Variants in DNAH11 observed in about 807,000 individuals in gnomAD.
DNAH11 encodes the protein axonemal beta dynein heavy chain 11.
In DNAH11, 442 loss-of-function variants were observed where a neutral mutation model predicts 526.0. The ratio of observed to expected loss-of-function variants is 0.84; its 90% CI spans 0.78 to 0.91. The LOEUF (loss-of-function observed/expected upper bound fraction) is 0.91, where lower values mean the gene tolerates loss of function less well. Ranked by LOEUF, DNAH11 falls within the 40% of genes least tolerant of loss-of-function variation. The pLI is 0.00. For synonymous variants in DNAH11, 2,461 were observed against 1,935.9 expected (o/e 1.27, Z -7.12); for missense variants, 6,989 against 5,448.7 (o/e 1.28, Z -8.90).
intron 56 of DNAH11, among the ~76,000 whole-genome samples, chr7:21,777,003 CACTA>C (rs1787700114): frequency 6.6e-6 from 1 of 151,906 alleles, no homozygotes; most frequent in Admixed American, 6.6e-5. Flanking sequence ...TCTGGGTACT[CACTA>C]ACACAGTCAA....
rs117400335 is a variant in DNAH11 at position 21,810,434 on chromosome 7, A to G, written c.10332+2385A>G. 3.9e-3 allele frequency among the ~76,000 whole-genome samples: 593 copies of G among 152,308 alleles called. 5 individuals carry two copies. Among genetic ancestry groups the G allele is most frequent in the Middle Eastern group, 6.8e-3 (2 of 294 alleles). On this transcript the variant is annotated intron_variant, in intron 63 of 81. Transcript: ENST00000409508. ...GACATGGGCACAGATATTATTAGAA[A>G]ATTGAAGCACTCACACCTGCTGGTC...
intron 73 of DNAH11, among the ~76,000 whole-genome samples, chr7:21,871,710 C>T (rs1412995457): frequency 7.9e-5 from 12 of 152,118 alleles, no homozygotes; most frequent in Non-Finnish European, 1.8e-4. Context: ...AGAGTCCTTA[C>T]CTACTGTATT....
rs777191347 is a variant in DNAH11 at position 21,639,036 on chromosome 7, A to C, written c.4915A>C (p.Ile1639Leu). 6.2e-6 allele frequency: 10 copies of C among 1,613,542 alleles called. No individual in the cohort carries two copies. Among genetic ancestry groups the C allele is most frequent in the Non-Finnish European group, 8.5e-6 (10 of 1,179,666 alleles). Residue 1639 changes from isoleucine to leucine, a missense_variant, in exon 28 of 82, where the codon ATT (isoleucine) becomes CTT (leucine). Physicochemically the swap from Ile to Leu is conservative, Grantham distance 5. Transcript: ENST00000409508. The part of the protein sequence containing the change: ...YFVSSADLLD[I>L]LSKGAQPKQV... ...CGTCTCTTCTGCTGATTTACTTGAC[A>C]TTCTCTCAAAAGGAGCTCAGCCTAA...
At chr7:21,608,162 G>T (rs1785379754) in intron 20 of DNAH11, among the ~76,000 whole-genome samples, 1 of 151,724 alleles carries the variant, frequency 6.6e-6, no homozygotes, top group African/African-American at 2.4e-5. Flanking sequence ...TGGACATGAA[G>T]ATTGTTGAGT....
intron 61 of DNAH11, among the ~76,000 whole-genome samples, chr7:21,794,995 G>C (rs112741037): frequency 6.6e-6 from 1 of 152,056 alleles, no homozygotes; most frequent in Non-Finnish European, 1.5e-5. Flanking sequence ...CCTCTCTGTG[G>C]CTCTGGGTAG....
In DNAH11 at chr7:21,599,879, T is replaced by C; in HGVS notation, c.2760T>C (p.Phe920=). The change falls in exon 15 of 82, where the codon TTT becomes TTC. Residue 920 remains phenylalanine (F), a synonymous_variant. Transcript: ENST00000409508. ...ACGACATTGTGGTGGAAGGCTTTTT[T>C]CAGGCTATAATGCACGACTTAGACT... ...FIDDIVVEGF[F]QAIMHDLDFF... 1 of 1,611,518 alleles carries C rather than the reference T, an allele frequency of 6.2e-7. No individual in the cohort carries two copies. Among genetic ancestry groups the C allele is most frequent in the Non-Finnish European group, 8.5e-7 (1 of 1,178,302 alleles).
Position 21,816,714 on chromosome 7 carries a change from T to C in DNAH11, c.10568+12T>C. ...TTGGGCCAGAAAGGGTATGTGAAGT[T>C]TGAAGAGACTGGCTTTCTGTTTACC... On this transcript the variant is annotated intron_variant, in intron 64 of 81. Transcript: ENST00000409508. 6.2e-7 allele frequency: 1 copy of C among 1,609,180 alleles called. No individual in the cohort carries two copies. The highest frequency in any genetic ancestry group is 1.3e-5 in the African/African-American group (1 of 74,952).
intron 54 of DNAH11, among the ~76,000 whole-genome samples, chr7:21,752,453 A>C (rs1157570694): frequency 6.6e-6 from 1 of 152,190 alleles, no homozygotes; most frequent in African/African-American, 2.4e-5. Context: ...ATTGGATTGT[A>C]CATATTTTTG....
chr7:21,821,473 G>A (rs1037355669), intron 65 of DNAH11, among the ~76,000 whole-genome samples: 2 of 152,186 alleles, frequency 1.3e-5, no homozygotes, highest in Admixed American at 6.5e-5. Context: ...AGAAAAATGG[G>A]GACCCAGAGA....
At chr7:21,766,192 C>T (rs1787178589) in intron 55 of DNAH11, among the ~76,000 whole-genome samples, 1 of 152,156 alleles carries the variant, frequency 6.6e-6, no homozygotes, top group African/African-American at 2.4e-5. Context: ...TTTAAAATCC[C>T]ATGGCATTTT....
chr7:21,782,068 G>A (rs1787968663), intron 57 of DNAH11, among the ~76,000 whole-genome samples: 1 of 152,122 alleles, frequency 6.6e-6, no homozygotes, highest in South Asian at 2.1e-4. Flanking sequence ...TGGTGAGCTT[G>A]GGTCTTCAAA....
At position 21,601,141 on chromosome 7, in the gene DNAH11, G is replaced by T; in HGVS notation, c.3387G>T (p.Trp1129Cys). Residue 1129 changes from tryptophan (W) to cysteine (C), a missense_variant, in exon 17 of 82, where the codon TGG (tryptophan) becomes TGT (cysteine). Coordinates refer to ENST00000409508, the MANE Select transcript of DNAH11 (RefSeq NM_001277115.2). ...SLLTIIKKWS[W>C]MFQEHLLRFV... is the part of the protein sequence containing the mutation. ...TAACCATAATTAAGAAATGGAGCTG[G>T]ATGTTTCAGGAGCATCTTTTGAGAT... 6.2e-7 allele frequency: 1 copy of T among 1,606,862 alleles called. No homozygotes were observed. The highest frequency in any genetic ancestry group is 8.5e-7 in the Non-Finnish European group (1 of 1,178,556).
At chr7:21,677,531 G>A (rs1245826887) in intron 30 of DNAH11, among the ~76,000 whole-genome samples, 4 of 152,108 alleles carry the variant, frequency 2.6e-5, no homozygotes, top group East Asian at 1.9e-4. Flanking sequence ...ACAGGTACAC[G>A]TCACTATGCC....
At chr7:21,600,201 G>A (rs111845935) in intron 15 of DNAH11, 82 bp downstream of exon 15, 57 of 1,211,024 alleles carry the variant, frequency 4.7e-5, no homozygotes, top group African/African-American at 3.1e-4. Context: ...AGCTCATGCT[G>A]GGAATCCCAG....
At chr7:21,764,729 A>G (rs1164220489) in intron 54 of DNAH11, among the ~76,000 whole-genome samples, 1 of 152,228 alleles carries the variant, frequency 6.6e-6, no homozygotes, top group African/African-American at 2.4e-5. Context: ...CTCCGACAGA[A>G]TCCCTTGTGT....
intron 81 of DNAH11, 61 bp from the exon 82 acceptor site, chr7:21,900,946 T>TATCATTAGTA: frequency 6.6e-7 from 1 of 1,504,328 alleles, no homozygotes. Flanking sequence ...AACAACTTAC[T>TATCATTAGTA]TGATCATTAT....
intron 57 of DNAH11, 122 bp downstream of exon 57, chr7:21,779,226 T>A: frequency 1.6e-6 from 2 of 1,229,322 alleles, no homozygotes; most frequent in Non-Finnish European, 2.2e-6. Context: ...ATTATTATAG[T>A]TACACATGTA....
At chr7:21,896,975 A>T (rs1241995777) in intron 79 of DNAH11, among the ~76,000 whole-genome samples, 1 of 152,120 alleles carries the variant, frequency 6.6e-6, no homozygotes. Context: ...CTCAAGGTGT[A>T]GAGGTGGTAG....
chr7:21,564,461 A>G, intron 6 of DNAH11, 64 bp downstream of exon 6: 3 of 1,228,108 alleles, frequency 2.4e-6, no homozygotes, highest in Non-Finnish European at 3.5e-6. Context: ...TTACGAGACT[A>G]GTGAAGAATA....
Sources: gnomAD v4.1 joint callset for allele counts (sites outside exome capture counted in the v4.1 genomes callset) on GRCh38, gnomAD v4.1.1 for gene constraint, MANE v1.5 for transcripts, NCBI Gene and HGNC (gene_info 2026-07-23, HGNC 2026-07-21) for gene names.